Variants in QRSL1 observed in about 807,000 individuals in gnomAD.
QRSL1 encodes glutaminyl-tRNA amidotransferase subunit QRSL1.
In QRSL1, 54 loss-of-function variants were observed where a neutral mutation model predicts 61.6. That is an observed-to-expected ratio of 0.88 (90% CI 0.70 to 1.10). The LOEUF (loss-of-function observed/expected upper bound fraction) is 1.10. Among genes scored for constraint, QRSL1 ranks in the 50% least tolerant of loss-of-function variants. QRSL1 has a pLI of 0.00. For missense variants in QRSL1, 505 were observed against 622.6 expected (o/e 0.81, Z 2.01); for synonymous variants, 228 against 225.7 (o/e 1.01, Z -0.09).
At chr6:106,649,898 ATG>A (rs1201812910) in intron 5 of QRSL1, among the ~76,000 whole-genome samples, 1 of 152,314 alleles carries the variant, frequency 6.6e-6, no homozygotes, top group East Asian at 1.9e-4. Flanking sequence ...ATCAAAATGA[ATG>A]TGTTTCTTTA....
At chr6:106,637,887 T>C (rs907917912) in intron 1 of QRSL1, among the ~76,000 whole-genome samples, 1 of 152,232 alleles carries the variant, frequency 6.6e-6, no homozygotes, top group African/African-American at 2.4e-5. Context: ...ACTTCCCTTA[T>C]TGATTTTTTT....
chr6:106,630,906 A>C (rs1776810541), intron 1 of QRSL1, among the ~76,000 whole-genome samples: 1 of 152,244 alleles, frequency 6.6e-6, no homozygotes, highest in Admixed American at 6.5e-5. Context: ...TATCATTTTA[A>C]ATTGCGTCGA....
intron 10 of QRSL1, among the ~76,000 whole-genome samples, chr6:106,663,419 C>T (rs1391599833): frequency 1.3e-5 from 2 of 152,162 alleles, no homozygotes; most frequent in African/African-American, 2.4e-5. Context: ...CACAGTTCTG[C>T]GGGCTGTACA....
chr6:106,666,157 C>G lies in QRSL1; in HGVS notation c.*155C>G. 1 of 639,440 alleles carries G rather than the reference C, an allele frequency of 1.6e-6. No homozygotes were observed. Among genetic ancestry groups the G allele is most frequent in the Non-Finnish European group, 2.7e-6 (1 of 373,998 alleles). 39.6% of individuals were successfully genotyped at this position (639,440 alleles called of 1,614,324 possible). On this transcript the variant is annotated 3_prime_UTR_variant, in exon 11 of 11. Coordinates refer to ENST00000369046, the MANE Select transcript of QRSL1 (RefSeq NM_018292.5). Reference sequence around the variant, plus strand: ...TGAAACCCCGTCTCTACTAAAAATACAAAAATTAGCCAGGCTTAGTGGCGG... The same window carrying G: ...TGAAACCCCGTCTCTACTAAAAATAGAAAAATTAGCCAGGCTTAGTGGCGG...
At chr6:106,632,993 A>G (rs1191549345) in intron 1 of QRSL1, among the ~76,000 whole-genome samples, 1 of 152,230 alleles carries the variant, frequency 6.6e-6, no homozygotes, top group Non-Finnish European at 1.5e-5. Flanking sequence ...GACAACTGTC[A>G]TAGCTCCTTA....
chr6:106,665,167 G>A (rs1582423639), intron 10 of QRSL1, among the ~76,000 whole-genome samples: 1 of 152,036 alleles, frequency 6.6e-6, no homozygotes, highest in African/African-American at 2.4e-5. Context: ...TTGTTTTATT[G>A]TATAACAAGA....
intron 9 of QRSL1, among the ~76,000 whole-genome samples, chr6:106,660,640 T>G (rs554576203): frequency 1.2e-4 from 18 of 151,766 alleles, no homozygotes; most frequent in Non-Finnish European, 2.4e-4. Flanking sequence ...TGAGAAGCAG[T>G]CTTAGTTCAT....
At position 106,629,595 on chromosome 6, in the gene QRSL1, G is replaced by A. The variant is rs1239300953; in HGVS notation, c.-87G>A. On this transcript the variant is annotated 5_prime_UTR_variant, in exon 1 of 11. Transcript: ENST00000369046. ...AAGGGCTCAGTGACAATTAAAGATG[G>A]CTGCGCCCATGTAACATCACTAGCG... The A allele has an allele frequency of 1.3e-6, 2 of 1,501,076 alleles. No individual in the cohort carries two copies. The highest frequency in any genetic ancestry group is 1.8e-6 in the Non-Finnish European group (2 of 1,107,570). The allele number at this position is 1,501,076 out of a possible 1,614,324, so 93.0% of individuals were successfully genotyped here.
In QRSL1 at chr6:106,652,578, C is replaced by T. The variant is rs1160466621; in HGVS notation, c.845C>T (p.Pro282Leu). 1 of 1,614,118 alleles carries T rather than the reference C, an allele frequency of 6.2e-7. No individual in the cohort carries two copies. The highest frequency in any genetic ancestry group is 1.7e-5 in the Admixed American group (1 of 60,012). Residue 282 changes from proline (P) to leucine (L), a missense_variant, in exon 7 of 11, where the codon CCA becomes CTA. Pro to Leu is a moderately conservative substitution (Grantham distance 98). Transcript: ENST00000369046. ...GTGAGCAAACTATGTATAGGAATTC[C>T]AAAGGTAACTTTTTCCTTTCATTAC... ...ADVSKLCIGI[P>L]KEYLVPELSS...
chr6:106,637,390 T>C (rs1234180665), intron 1 of QRSL1, among the ~76,000 whole-genome samples: 1 of 152,302 alleles, frequency 6.6e-6, no homozygotes, highest in East Asian at 1.9e-4. Context: ...TGAAATATGA[T>C]GTGAACAAGG....
chr6:106,662,958 A>T (rs759003815), intron 9 of QRSL1, 22 bp from the exon 10 acceptor site: 1 of 1,548,324 alleles, frequency 6.5e-7, no homozygotes, highest in Non-Finnish European at 8.9e-7. Flanking sequence ...CCTTAAAAAC[A>T]TCACCTACTT....
Position 106,665,839 on chromosome 6 carries a change from T to G in QRSL1, c.1424T>G (p.Leu475Arg). 6.2e-7 allele frequency: 1 copy of G among 1,613,984 alleles called. No homozygotes were observed. The highest frequency in any genetic ancestry group is 8.5e-7 in the Non-Finnish European group (1 of 1,179,854). Residue 475 changes from leucine (L) to arginine (R), a missense_variant, in exon 11 of 11, where the codon CTG (leucine) becomes CGG (arginine). Physicochemically the swap from Leu to Arg is moderately radical, Grantham distance 102. Transcript: ENST00000369046. ...TCAAACCAAGGGTTGCCAATAGGAC[T>G]GCAGTTTATTGGACGTGCGTTTTGT... ...ALSNQGLPIG[L>R]QFIGRAFCDQ...
intron 9 of QRSL1, among the ~76,000 whole-genome samples, chr6:106,660,885 C>A (rs1777345392): frequency 6.6e-6 from 1 of 152,052 alleles, no homozygotes. Context: ...ACCAATCCCA[C>A]TCAAGAGTGG....
In QRSL1 at chr6:106,655,635, G is replaced by T. The variant is rs118029715; in HGVS notation, c.1063G>T (p.Val355Leu). The part of the protein sequence containing the change: ...LQYGHRCDID[V>L]STEAMYAATR... ...TTCAGGTCACAGATGTGACATTGAT[G>T]TGTCCACTGAAGCCATGTATGCTGC... The change falls in exon 9 of 11, where the codon GTG becomes TTG. Residue 355 changes from valine to leucine, a missense_variant. By Grantham distance (32) the Val-to-Leu change is conservative. Transcript: ENST00000369046. 0.021 allele frequency: 34,404 copies of T among 1,606,320 alleles called. 474 individuals carry two copies. Among genetic ancestry groups the T allele is most frequent in the Non-Finnish European group, 0.026 (30,451 of 1,174,822 alleles).
chr6:106,635,229 C>G (rs1776901193), intron 1 of QRSL1, among the ~76,000 whole-genome samples: 1 of 151,954 alleles, frequency 6.6e-6, no homozygotes, highest in South Asian at 2.1e-4. Flanking sequence ...TTTTGGAGGT[C>G]AACAATAGGA....
At chr6:106,649,523 G>A (rs1158318432) in intron 5 of QRSL1, among the ~76,000 whole-genome samples, 8 of 152,054 alleles carry the variant, frequency 5.3e-5, no homozygotes, top group African/African-American at 1.9e-4. Flanking sequence ...ATTTGAGTGT[G>A]TGCTCACTGA....
intron 10 of QRSL1, among the ~76,000 whole-genome samples, chr6:106,665,502 C>A (rs1454953553): frequency 6.6e-6 from 1 of 152,148 alleles, no homozygotes; most frequent in East Asian, 1.9e-4. Flanking sequence ...TACCCAACCA[C>A]AGAAGACTGG....
chr6:106,642,883 G>A (rs1163742833), intron 3 of QRSL1, 111 bp from the exon 4 acceptor site: 2 of 845,342 alleles, frequency 2.4e-6, no homozygotes, highest in Middle Eastern at 2.4e-4. Context: ...CCAATGGGAA[G>A]GCTCCTGAGC....
At chr6:106,639,111 G>GTTTTTTTTTTTTTTTTTTTTTTTT (rs1562164982) in intron 1 of QRSL1, among the ~76,000 whole-genome samples, 2 of 60,754 alleles carry the variant, frequency 3.3e-5, no homozygotes, top group African/African-American at 1.3e-4. Flanking sequence ...TTATTTGTGT[G>GTTTTTTTTTTTTTTTTTTTTTTTT]TTTTGTTGTT....
Sources: gnomAD v4.1 joint callset for allele counts (sites outside exome capture counted in the v4.1 genomes callset) on GRCh38, gnomAD v4.1.1 for gene constraint, MANE v1.5 for transcripts, NCBI Gene and HGNC (gene_info 2026-07-23, HGNC 2026-07-21) for gene names.